FRMD8: variants seen among roughly 807,000 people sequenced by gnomAD.
FRMD8 encodes FERM domain-containing protein 8.
In FRMD8, 37 loss-of-function variants were observed where a neutral mutation model predicts 54.2. That is an observed-to-expected ratio of 0.68 (90% CI 0.53 to 0.90). FRMD8 has a LOEUF of 0.90. FRMD8 is among the 40% of genes least tolerant of loss of function. The pLI, the probability that FRMD8 is intolerant of heterozygous loss-of-function variation, is 0.00. For missense variants in FRMD8, 585 were observed against 653.7 expected (o/e 0.89, Z 1.15); for synonymous variants, 246 against 286.9 (o/e 0.86, Z 1.44).
upstream of FRMD8, chr11:65,382,205 A>T (rs1313778462): frequency 1.8e-6 from 1 of 551,068 alleles, no homozygotes; most frequent in Admixed American, 3.1e-5. This position sits in a 1 kb window ranked among gnomAD's most constrained non-coding sequence, Gnocchi z 4.4. Context: ...AGAGGCCCTG[A>T]TCCCCGAGCC....
chr11:65,394,243 C>T lies in FRMD8; in HGVS notation c.415-16C>T. 1 of 1,598,548 alleles carries T rather than the reference C, an allele frequency of 6.3e-7. No homozygotes were observed. The stretch of plus-strand genomic sequence containing the variant: ...CAGCCCAGCTGAGCGGCTGTCCCTG[C>T]CACACCCCCCTGCAGATCCATGACG... On this transcript the variant is annotated splice_polypyrimidine_tract_variant and intron_variant, in intron 5 of 10. Transcript: ENST00000317568.
In FRMD8 at chr11:65,396,977, TA is replaced by T. The variant is rs1269234095; in HGVS notation, c.761del (p.Tyr254SerfsTer107). ...GTGCGAGGCCGCCCTGGGCACCCACTACCGCGCCTATCTCCTCAAGTGCCAC... is the reference window on the plus strand; with the variant it reads ...GTGCGAGGCCGCCCTGGGCACCCACTCCGCGCCTATCTCCTCAAGTGCCAC... ...GGCEAALGTH[Y>X]RAYLLKCHEL... On this transcript the variant is annotated frameshift_variant, in exon 7 of 11. Transcript: ENST00000317568. LOFTEE classifies it high-confidence loss of function. 3 of 1,492,050 alleles carry T rather than the reference TA, an allele frequency of 2.0e-6. No individual in the cohort carries two copies. The highest frequency in any genetic ancestry group is 2.7e-6 in the Non-Finnish European group (3 of 1,117,068). 92.4% of individuals were successfully genotyped at this position (1,492,050 alleles called of 1,614,324 possible). A position where few individuals can be genotyped will look rare whatever the true frequency, so the allele number is the denominator to read the frequency against.
At chr11:65,376,378 A>T in the FRMD8 span, 1 of 1,605,326 alleles carries the variant, frequency 6.2e-7, no homozygotes, top group Non-Finnish European at 8.5e-7. Flanking sequence ...CGTGGGCCTG[A>T]TGGGGAGCTG....
At chr11:65,381,821 G>A (rs1855575322), upstream of FRMD8, 1 of 1,525,380 alleles carries the variant, frequency 6.6e-7, no homozygotes, top group Admixed American at 1.7e-5. Flanking sequence ...CCGGAACTCA[G>A]ACTTTGGTCT....
chr11:65,395,651 G>A (rs1855939139), intron 6 of FRMD8, among the ~76,000 whole-genome samples: 1 of 152,204 alleles, frequency 6.6e-6, no homozygotes, highest in Non-Finnish European at 1.5e-5. Flanking sequence ...GGTATGCCAG[G>A]GCCTCTCCTC....
intron 3 of FRMD8, among the ~76,000 whole-genome samples, chr11:65,390,929 G>A (rs1006084492): frequency 6.6e-6 from 1 of 152,262 alleles, no homozygotes; most frequent in African/African-American, 2.4e-5. Context: ...AGAAGACCCC[G>A]GCACAAAGTC....
At chr11:65,393,768 G>C (rs1044847939) in intron 4 of FRMD8, 94 bp downstream of exon 4, 1 of 1,109,836 alleles carries the variant, frequency 9.0e-7, no homozygotes, top group Non-Finnish European at 1.3e-6. Context: ...GCAAGGAGCT[G>C]CCCTGGCTGA....
At position 65,394,408 on chromosome 11, in the gene FRMD8, G is replaced by A. The variant is rs745658789; in HGVS notation, c.564G>A (p.Pro188=). Residue 188 remains proline, a synonymous_variant, in exon 6 of 11, where the codon CCG becomes CCA. Transcript: ENST00000317568. ...VQLGPYQPGR[P]AACDLREKLD... is the part of the protein sequence containing the mutation. ...TTGGGCCCTACCAGCCCGGCCGGCC[G>A]GCAGCCTGCGACCTGAGGTGAGGGC... The A allele has an allele frequency of 2.5e-5, 39 of 1,568,024 alleles. No homozygotes were observed. Among genetic ancestry groups the A allele is most frequent in the Middle Eastern group, 1.7e-4 (1 of 5,988 alleles).
At chr11:65,380,384 C>T in the FRMD8 span, 2 of 917,852 alleles carry the variant, frequency 2.2e-6, no homozygotes, top group Non-Finnish European at 3.2e-6. Context: ...GGCACTGGGA[C>T]AAGGGACTAA....
chr11:65,382,693 A>C (rs1855637956), upstream of FRMD8: 1 of 152,598 alleles, frequency 6.6e-6, no homozygotes, highest in Admixed American at 6.5e-5. The surrounding 1 kb of genome is among the most constrained non-coding windows in gnomAD (Gnocchi z 4.4). Context: ...GGTGCCGCCC[A>C]TTCTCCTCTG....
rs893281745 is a variant in FRMD8 at position 65,397,004 on chromosome 11, G to C, written c.787G>C (p.Glu263Gln). The C allele has an allele frequency of 1.2e-5, 17 of 1,455,496 alleles. No homozygotes were observed. The highest frequency in any genetic ancestry group is 1.5e-5 in the Non-Finnish European group (17 of 1,097,442). The allele number at this position is 1,455,496 out of a possible 1,614,324, so 90.2% of individuals were successfully genotyped here. A position where few individuals can be genotyped will look rare whatever the true frequency, so the allele number is the denominator to read the frequency against. The change falls in exon 7 of 11, where the codon GAG (glutamate) becomes CAG (glutamine). Residue 263 changes from glutamate to glutamine, a missense_variant. Glu to Gln is a conservative substitution (Grantham distance 29, BLOSUM62 2). Coordinates refer to ENST00000317568, the MANE Select transcript of FRMD8 (RefSeq NM_031904.5). Reference protein sequence around the residue: ...HYRAYLLKCHELPFYGCAFFH... With the variant: ...HYRAYLLKCHQLPFYGCAFFH... ...CCGCGCCTATCTCCTCAAGTGCCAC[G>C]AGCTGCCGTTTTATGGGTAAGAGCC...
At chr11:65,376,053 G>C in the FRMD8 span, 1 of 229,718 alleles carries the variant, frequency 4.4e-6, no homozygotes, top group Non-Finnish European at 7.8e-6. Flanking sequence ...CTGGGTGACA[G>C]AGAAAGACTC....
chr11:65,378,561 G>A, the FRMD8 span: 1 of 152,228 alleles, frequency 6.6e-6, no homozygotes, highest in African/African-American at 2.4e-5. Flanking sequence ...CGCACAAGAA[G>A]GGGCAGAAGA....
chr11:65,393,889 T>C, intron 4 of FRMD8, 152 bp from the exon 5 acceptor site: 2 of 846,764 alleles, frequency 2.4e-6, no homozygotes, highest in East Asian at 5.3e-5. Flanking sequence ...CCGGGGCACG[T>C]TGGGATGAGC....
the FRMD8 span, among the ~76,000 whole-genome samples, chr11:65,372,302 GC>G: frequency 6.6e-6 from 1 of 152,110 alleles, no homozygotes; most frequent in East Asian, 1.9e-4. Context: ...TCCTCCTGGG[GC>G]CACTGTGCAG....
At chr11:65,376,211 G>A in the FRMD8 span, 4 of 642,946 alleles carry the variant, frequency 6.2e-6, no homozygotes, top group East Asian at 2.7e-5. Flanking sequence ...CAGCTACACA[G>A]GGAGGCTGCA....
At chr11:65,408,302 G>A (rs983126794) in intron 10 of FRMD8, among the ~76,000 whole-genome samples, 86 of 151,932 alleles carry the variant, frequency 5.7e-4, no homozygotes, top group African/African-American at 2.0e-3. Flanking sequence ...TCCAACTCCC[G>A]ACCTCAGGTG....
chr11:65,391,635 C>T (rs918451747), intron 3 of FRMD8, among the ~76,000 whole-genome samples: 4 of 152,048 alleles, frequency 2.6e-5, no homozygotes, highest in African/African-American at 7.2e-5. Context: ...CTCAGCCTCC[C>T]GAGTAGCTGG....
intron 7 of FRMD8, 28 bp from the exon 8 acceptor site, chr11:65,399,708 C>G: frequency 3.7e-6 from 6 of 1,611,440 alleles, no homozygotes; most frequent in African/African-American, 1.3e-5. Flanking sequence ...TGGTGCTGGC[C>G]GGAGGCTGAC....
Sources: gnomAD v4.1 joint callset for allele counts (sites outside exome capture counted in the v4.1 genomes callset) on GRCh38, gnomAD v4.1.1 for gene constraint, Gnocchi (gnomAD v3.1) non-coding constraint, MANE v1.5 for transcripts, NCBI Gene and HGNC (gene_info 2026-07-23, HGNC 2026-07-21) for gene names.